KCNIP4: variants seen among roughly 807,000 people sequenced by gnomAD.
KCNIP4 encodes Kv channel-interacting protein 4.
KCNIP4 carries 12 observed loss-of-function variants against 34.0 expected under a neutral mutation model. The ratio of observed to expected loss-of-function variants is 0.35; its 90% confidence interval spans 0.23 to 0.57. KCNIP4 has a LOEUF of 0.57. KCNIP4 is among the 20% of genes least tolerant of loss of function. The pLI is 0.83. For synonymous variants in KCNIP4, 124 were observed against 102.2 expected, an observed-to-expected ratio of 1.21 and a Z score of -1.29; for missense variants, 238 against 311.7, an observed-to-expected ratio of 0.76 and a Z score of 1.78.
rs1359651947 is a variant in KCNIP4, at chr4:21,025,498, G to C, written c.62-142789C>G. 2.9e-5 allele frequency among the ~76,000 whole-genome samples: 4 copies of C among 137,756 alleles called. No individual in the cohort carries two copies. The East Asian group carries it at 8.9e-4, about 31-fold the overall frequency. 90.4% of individuals were successfully genotyped at this position (137,756 alleles called of 152,430 possible). A position where few individuals can be genotyped will look rare whatever the true frequency, so the allele number is the denominator to read the frequency against. ...TGAGAGAGAGAGAGAGAGAGAGAGAGAGAGAGAGAGAGAGAGAACTGCAAA... is the reference window on the plus strand; with the variant it reads ...TGAGAGAGAGAGAGAGAGAGAGAGACAGAGAGAGAGAGAGAGAACTGCAAA... On this transcript the variant is annotated intron_variant, in intron 1 of 8. Coordinates refer to ENST00000382152, the MANE Select transcript of KCNIP4 (RefSeq NM_025221.6).
chr4:21,928,037 C>T lies in KCNIP4; in HGVS notation c.61+20534G>A, dbSNP rs75548715. ...AAGTATAATAATCATAGCAAAAATACGATCTTCATTTTTGGATCCTTTCTC... is the reference window on the plus strand; with the variant it reads ...AAGTATAATAATCATAGCAAAAATATGATCTTCATTTTTGGATCCTTTCTC... On this transcript the variant is annotated intron_variant, in intron 1 of 8. Transcript: ENST00000382152. Among the ~76,000 whole-genome samples the T allele has an allele frequency of 9.6e-4, 146 of 151,768 alleles. 2 individuals are homozygous for T. The East Asian group carries it at 0.022, about 23-fold the overall frequency.
intron 2 of KCNIP4, among the ~76,000 whole-genome samples, chr4:20,877,888 A>G (rs1248618006): frequency 6.6e-6 from 1 of 151,856 alleles, no homozygotes; most frequent in East Asian, 1.9e-4. Flanking sequence ...TAACCTTTTC[A>G]GGCCACAGCT....
At chr4:21,808,009 T>C (rs1391172039) in intron 1 of KCNIP4, among the ~76,000 whole-genome samples, 2 of 152,098 alleles carry the variant, frequency 1.3e-5, no homozygotes, top group Non-Finnish European at 2.9e-5. Context: ...AATAAATAAA[T>C]AAAAATTGTA....
chr4:21,716,663 C>A (rs958909985), intron 1 of KCNIP4, among the ~76,000 whole-genome samples: 2 of 152,090 alleles, frequency 1.3e-5, no homozygotes, highest in African/African-American at 4.8e-5. Flanking sequence ...ATGTTTACCC[C>A]CAACGAGTGA....
chr4:20,907,117 C>T (rs960277957), intron 1 of KCNIP4, among the ~76,000 whole-genome samples: 4 of 152,138 alleles, frequency 2.6e-5, no homozygotes, highest in South Asian at 4.1e-4. Context: ...AGTCATGACC[C>T]CTTTATTTCA....
At chr4:20,880,354 A>C (rs932869765) in intron 2 of KCNIP4, among the ~76,000 whole-genome samples, 2 of 152,152 alleles carry the variant, frequency 1.3e-5, no homozygotes, top group Admixed American at 1.3e-4. Context: ...AAGGAAGAGG[A>C]GAAGGCAGGA....
intron 1 of KCNIP4, among the ~76,000 whole-genome samples, chr4:21,102,903 C>A (rs1235118070): frequency 1.3e-5 from 2 of 152,100 alleles, no homozygotes; most frequent in Non-Finnish European, 2.9e-5. Flanking sequence ...CTGGGGTATA[C>A]TCCTTTTGAG....
chr4:21,211,452 T>C (rs1043879694), intron 1 of KCNIP4, among the ~76,000 whole-genome samples: 1 of 151,996 alleles, frequency 6.6e-6, no homozygotes, highest in African/African-American at 2.4e-5. Flanking sequence ...GCGGACCCGA[T>C]TGTGAGCTGC....
At chr4:21,727,185 G>A (rs897709133) in intron 1 of KCNIP4, among the ~76,000 whole-genome samples, 2 of 152,190 alleles carry the variant, frequency 1.3e-5, no homozygotes, top group African/African-American at 4.8e-5. Flanking sequence ...TTTAAGAAAT[G>A]ATTAAGTCAT....
chr4:21,685,057 ATAAT>A (rs1468104643), intron 1 of KCNIP4, among the ~76,000 whole-genome samples: 1 of 152,242 alleles, frequency 6.6e-6, no homozygotes, highest in Non-Finnish European at 1.5e-5. Flanking sequence ...GTAATAAAGC[ATAAT>A]TAAGTAAAAC....
chr4:21,695,174 A>G (rs1418391684), intron 1 of KCNIP4, among the ~76,000 whole-genome samples: 1 of 152,118 alleles, frequency 6.6e-6, no homozygotes, highest in Non-Finnish European at 1.5e-5. Flanking sequence ...ATTTTACATT[A>G]GACTCTGTAA....
chr4:21,444,469 A>G (rs1416484276), intron 1 of KCNIP4, among the ~76,000 whole-genome samples: 1 of 152,242 alleles, frequency 6.6e-6, no homozygotes, highest in East Asian at 1.9e-4. Context: ...GGCTGGTTCA[A>G]CATACGCAAA....
chr4:21,443,620 G>C (rs1408769435), intron 1 of KCNIP4, among the ~76,000 whole-genome samples: 1 of 152,126 alleles, frequency 6.6e-6, no homozygotes, highest in Non-Finnish European at 1.5e-5. Flanking sequence ...GCCTGAGTTT[G>C]CGGCCTGATG....
rs558679786 is a variant in KCNIP4, at chr4:20,987,774, C to T, written c.62-105065G>A. Reference sequence around the variant, plus strand: ...CAGCATTTTGGGAGGCCGAGGCAGGCGGATCACGAGGTCAGGAGATTGAGA... The same window carrying T: ...CAGCATTTTGGGAGGCCGAGGCAGGTGGATCACGAGGTCAGGAGATTGAGA... On this transcript the variant is annotated intron_variant, in intron 1 of 8. Transcript: ENST00000382152. 1.4e-4 allele frequency among the ~76,000 whole-genome samples: 21 copies of T among 151,382 alleles called. No individual in the cohort carries two copies. In the Middle Eastern group the frequency reaches 0.01, roughly 74 times the overall value.
At chr4:21,376,819 C>T (rs562703017) in intron 1 of KCNIP4, among the ~76,000 whole-genome samples, 1 of 152,252 alleles carries the variant, frequency 6.6e-6, no homozygotes, top group South Asian at 2.1e-4. Flanking sequence ...AATACAAAAC[C>T]ATGATAAGCA....
chr4:20,765,715 T>C (rs1755338681), intron 3 of KCNIP4, among the ~76,000 whole-genome samples: 3 of 152,210 alleles, frequency 2.0e-5, no homozygotes, highest in Admixed American at 2.0e-4. Context: ...ATTGCATTTC[T>C]TTCATTGCCT....
intron 1 of KCNIP4, among the ~76,000 whole-genome samples, chr4:21,606,689 G>C (rs1743710838): frequency 2.0e-5 from 3 of 152,164 alleles, no homozygotes; most frequent in African/African-American, 4.8e-5. Flanking sequence ...TGCCTCCCGG[G>C]TTCAATCGAT....
In KCNIP4 at chr4:20,941,207, C is replaced by A. The variant is rs532643036; in HGVS notation, c.62-58498G>T. Among the ~76,000 whole-genome samples, 3 of 152,234 alleles carry A rather than the reference C, an allele frequency of 2.0e-5. No individual in the cohort carries two copies. In the South Asian group the frequency reaches 6.2e-4, roughly 32 times the overall value. On this transcript the variant is annotated intron_variant, in intron 1 of 8. Transcript: ENST00000382152. The stretch of plus-strand genomic sequence containing the variant: ...TAATTTCTATTCACATGTATAATGA[C>A]AACAGGTCTTCTCAAAAGATGATTT...
At chr4:20,736,485 C>T (rs1431998092) in intron 5 of KCNIP4, among the ~76,000 whole-genome samples, 1 of 152,078 alleles carries the variant, frequency 6.6e-6, no homozygotes, top group Non-Finnish European at 1.5e-5. Flanking sequence ...TGTCAATTTG[C>T]TGACATACGT....
Sources: gnomAD v4.1 joint callset for allele counts (sites outside exome capture counted in the v4.1 genomes callset) on GRCh38, gnomAD v4.1.1 for gene constraint, MANE v1.5 for transcripts, NCBI Gene and HGNC (gene_info 2026-07-23, HGNC 2026-07-21) for gene names.